The following ADCY10 variants were observed in gnomAD, a reference collection of about 807,000 sequenced individuals.
The protein encoded by ADCY10 is adenylate cyclase type 10.
ADCY10 carries 156 observed loss-of-function variants against 183.3 expected under a neutral mutation model. That is an observed-to-expected ratio of 0.85 (90% CI 0.75 to 0.97). ADCY10 has a LOEUF of 0.97. Among genes scored for constraint, ADCY10 ranks in the 50% least tolerant of loss-of-function variants. The probability of loss-of-function intolerance (pLI) is 0.00; values close to 1 mark genes in which losing one functional copy is unlikely to be tolerated. For synonymous variants in ADCY10, 645 were observed against 670.0 expected (o/e 0.96, Z 0.58); for missense variants, 1,745 against 1,934.3 (o/e 0.90, Z 1.84).
Position 167,833,009 on chromosome 1 carries a change from C to G in ADCY10, c.3571G>C (p.Ala1191Pro). ...NRHFHYVNRQAQESPPPGKKR... is the reference protein window; with the variant it reads ...NRHFHYVNRQPQESPPPGKKR... ...TACCCTGGAGGTGGGCTCTCTTGGG[C>G]CTGCCGATTCACATAATGAAAGTGT... The change falls in exon 25 of 33, where the codon GCC (alanine) becomes CCC (proline). Residue 1191 changes from alanine (A) to proline (P), a missense_variant. Physicochemically the swap from Ala to Pro is conservative, Grantham distance 27. Coordinates refer to ENST00000367851, the MANE Select transcript of ADCY10 (RefSeq NM_018417.6). 1 of 1,613,954 alleles carries G rather than the reference C, an allele frequency of 6.2e-7. No homozygotes were observed. The highest frequency in any genetic ancestry group is 8.5e-7 in the Non-Finnish European group (1 of 1,179,952).
chr1:167,874,525 C>T (rs1445749593), intron 13 of ADCY10, among the ~76,000 whole-genome samples: 1 of 152,052 alleles, frequency 6.6e-6, no homozygotes, highest in African/African-American at 2.4e-5. Context: ...TCTTAACATT[C>T]TCAGTCAGAA....
intron 25 of ADCY10, among the ~76,000 whole-genome samples, chr1:167,831,229 G>A (rs11590015): frequency 2.0e-5 from 3 of 151,322 alleles, no homozygotes; most frequent in Non-Finnish European, 4.4e-5. Context: ...TCGCTTTATC[G>A]CCCAGGCTAG....
At chr1:167,888,178 T>A (rs1180972329) in intron 8 of ADCY10, among the ~76,000 whole-genome samples, 1 of 152,234 alleles carries the variant, frequency 6.6e-6, no homozygotes, top group Non-Finnish European at 1.5e-5. Context: ...TGGGTTGCTA[T>A]AGCTGTGGTA....
chr1:167,875,651 T>C (rs1298357848), intron 12 of ADCY10, among the ~76,000 whole-genome samples: 1 of 152,168 alleles, frequency 6.6e-6, no homozygotes, highest in Non-Finnish European at 1.5e-5. Flanking sequence ...ACAAAAACAC[T>C]GTTAAGAAGT....
intron 16 of ADCY10, among the ~76,000 whole-genome samples, chr1:167,857,541 C>CA (rs1665996165): frequency 6.6e-6 from 1 of 152,060 alleles, no homozygotes; most frequent in Non-Finnish European, 1.5e-5. Flanking sequence ...AAAGCAGGAA[C>CA]AAAAAATCAT....
intron 6 of ADCY10, among the ~76,000 whole-genome samples, chr1:167,897,469 A>G (rs1217532931): frequency 6.7e-6 from 1 of 150,132 alleles, no homozygotes; most frequent in Non-Finnish European, 1.5e-5. Context: ...CTCACTCCCC[A>G]CTGGGTGACA....
chr1:167,809,975 G>C (rs1662102958), intron 32 of ADCY10, 136 bp from the exon 33 acceptor site: 1 of 811,772 alleles, frequency 1.2e-6, no homozygotes, highest in East Asian at 2.6e-5. Context: ...GAATCTTGCT[G>C]TCCAAACTAG....
At chr1:167,833,744 C>CAA (rs539820019) in intron 24 of ADCY10, among the ~76,000 whole-genome samples, 77 of 98,400 alleles carry the variant, frequency 7.8e-4, no homozygotes, top group African/African-American at 2.2e-3. Context: ...GACTCCCTCT[C>CAA]AAAAAAAAAA....
chr1:167,893,935 A>C lies in ADCY10; in HGVS notation c.746T>G (p.Leu249Arg), dbSNP rs780177400. ...YYPSGEHKNL[L>R]RLACTLKPDP... ...AGGCTTCAGCGTGCATGCAAGCCTC[A>C]GGAGGTCTAAGAAGGCAGAAGGAGG... The change falls in exon 8 of 33, where the codon CTG (leucine) becomes CGG (arginine). Residue 249 changes from leucine (L) to arginine (R), a missense_variant. Physicochemically the swap from Leu to Arg is moderately radical, Grantham distance 102. Transcript: ENST00000367851. 1 of 1,612,942 alleles carries C rather than the reference A, an allele frequency of 6.2e-7. No individual in the cohort carries two copies. Among genetic ancestry groups the C allele is most frequent in the South Asian group, 1.1e-5 (1 of 91,062 alleles).
At chr1:167,836,266 A>G (rs1164416310) in intron 23 of ADCY10, 43 bp downstream of exon 23, 2 of 1,336,434 alleles carry the variant, frequency 1.5e-6, no homozygotes, top group Non-Finnish European at 2.1e-6. Flanking sequence ...ATGTTCTATG[A>G]ATTGTCTCTA....
At chr1:167,912,388 C>A (rs1342897623) in intron 1 of ADCY10, among the ~76,000 whole-genome samples, 1 of 152,228 alleles carries the variant, frequency 6.6e-6, no homozygotes, top group Non-Finnish European at 1.5e-5. Flanking sequence ...CCTTGCCCCA[C>A]ATGTTCCTGG....
chr1:167,868,589 C>T (rs1009787932), intron 14 of ADCY10, among the ~76,000 whole-genome samples: 3 of 151,676 alleles, frequency 2.0e-5, no homozygotes, highest in Admixed American at 6.6e-5. Context: ...ATACTGGATA[C>T]GTGGACATAG....
Position 167,883,578 on chromosome 1 carries a change from C to G in ADCY10, c.879G>C (p.Thr293=), listed in dbSNP as rs777970021. ...CAAACATCAGGTTCACAAACACAAT[C>G]GTCACTGGGCGAAGCTCAGATAAAT... ...QGYLSELRPV[T]IVFVNLMFED... is the part of the protein sequence containing the mutation. Residue 293 remains threonine, a synonymous_variant, in exon 9 of 33, where the codon ACG becomes ACC. Coordinates refer to ENST00000367851, the MANE Select transcript of ADCY10 (RefSeq NM_018417.6). 1.2e-6 allele frequency: 2 copies of G among 1,614,214 alleles called. No homozygotes were observed. Among genetic ancestry groups the G allele is most frequent in the East Asian group, 2.2e-5 (1 of 44,882 alleles).
At chr1:167,900,303 CT>C (rs1669307937) in intron 5 of ADCY10, among the ~76,000 whole-genome samples, 1 of 152,136 alleles carries the variant, frequency 6.6e-6, no homozygotes, top group Non-Finnish European at 1.5e-5. Flanking sequence ...TGACTCCCCC[CT>C]GATTCTACAT....
At chr1:167,888,602 C>T (rs148002810) in intron 8 of ADCY10, among the ~76,000 whole-genome samples, 9 of 152,010 alleles carry the variant, frequency 5.9e-5, no homozygotes, top group East Asian at 5.8e-4. Context: ...TTGGGCCGGG[C>T]GCGGTGGCTC....
At chr1:167,820,064 T>C (rs958501590) in intron 30 of ADCY10, 2 of 1,574,258 alleles carry the variant, frequency 1.3e-6, no homozygotes, top group African/African-American at 2.7e-5. Flanking sequence ...CTTTCGTTAC[T>C]CATCCTTGAG....
In ADCY10 at chr1:167,824,519, G is replaced by A. The variant is rs1663133399; in HGVS notation, c.4009C>T (p.Gln1337Ter). ...ALLQNPNRHY[Q>*]SLCRLSRCLL... is the part of the protein sequence containing the mutation. ...CATCTGCTAAGTCTGCAGAGGGACT[G>A]ATAATGTCGGTTGGGATTCTGGAGC... Residue 1337 changes from glutamine (Q) to a stop codon, truncating the protein, a stop_gained, in exon 28 of 33, where the codon CAG becomes TAG. Transcript: ENST00000367851. LOFTEE classifies it high-confidence loss of function. The A allele has an allele frequency of 1.9e-6, 3 of 1,614,210 alleles. No individual in the cohort carries two copies. The highest frequency in any genetic ancestry group is 2.5e-6 in the Non-Finnish European group (3 of 1,180,026).
chr1:167,820,360 A>G (rs922788926), intron 30 of ADCY10: 15 of 680,122 alleles, frequency 2.2e-5, no homozygotes, highest in South Asian at 8.8e-5. Flanking sequence ...GGGCGGGGCC[A>G]GCCCGCGCCT....
intron 6 of ADCY10, among the ~76,000 whole-genome samples, chr1:167,898,240 T>C (rs1669143319): frequency 6.6e-6 from 1 of 152,020 alleles, no homozygotes; most frequent in South Asian, 2.1e-4. Flanking sequence ...CTCTGTATTA[T>C]TTTTTCAACT....
Sources: gnomAD v4.1 joint callset for allele counts (sites outside exome capture counted in the v4.1 genomes callset) on GRCh38, gnomAD v4.1.1 for gene constraint, MANE v1.5 for transcripts, NCBI Gene and HGNC (gene_info 2026-07-23, HGNC 2026-07-21) for gene names.